Variants in FBXW7 observed in about 807,000 individuals in gnomAD.
The protein encoded by FBXW7 is F-box/WD repeat-containing protein 7.
Under a neutral mutation model 86.3 loss-of-function variants are expected in FBXW7, and 11 were observed. The ratio of observed to expected loss-of-function variants is 0.13; its 90% CI spans 0.08 to 0.21. The LOEUF (loss-of-function observed/expected upper bound fraction) is 0.21, where lower values mean the gene tolerates loss of function less well. FBXW7 is among the 10% of genes least tolerant of loss of function. FBXW7 has a pLI of 1.00. For synonymous variants in FBXW7, 313 were observed against 297.9 expected (o/e 1.05, Z -0.52); for missense variants, 488 against 847.4 (o/e 0.58, Z 5.27).
Position 152,326,329 on chromosome 4 carries a change from T to C in FBXW7, c.1419-98A>G, listed in dbSNP as rs2126499677. 3.1e-6 allele frequency: 3 copies of C among 957,618 alleles called. No individual in the cohort carries two copies. The South Asian group carries it at 5.2e-5, about 16-fold the overall frequency. 59.3% of individuals were successfully genotyped at this position (957,618 alleles called of 1,614,324 possible). A position where few individuals can be genotyped will look rare whatever the true frequency, so the allele number is the denominator to read the frequency against. On this transcript the variant is annotated intron_variant, in intron 11 of 13. Transcript: ENST00000281708. ...AACATGGTAGATTTAGTCAAGGTTT[T>C]TTAGCTTTTTTTTTTTTTTTTTTAC...
At chr4:152,446,207 T>G (rs1741375332) in intron 2 of FBXW7, among the ~76,000 whole-genome samples, 1 of 152,224 alleles carries the variant, frequency 6.6e-6, no homozygotes, top group Admixed American at 6.5e-5. Context: ...CCCAGGTCTA[T>G]TCTATTAACC....
intron 2 of FBXW7, among the ~76,000 whole-genome samples, chr4:152,450,407 A>T (rs1381590063): frequency 1.3e-5 from 2 of 152,220 alleles, no homozygotes; most frequent in Admixed American, 6.5e-5. Context: ...CACATTATGT[A>T]GAATCTGAAG....
intron 5 of FBXW7, chr4:152,348,767 C>T: frequency 1.1e-6 from 1 of 937,488 alleles, no homozygotes; most frequent in Non-Finnish European, 1.4e-6. Context: ...ATTTCTCATC[C>T]AAGAAATACT....
rs1728605146 is a variant in FBXW7 at position 152,322,203 on chromosome 4, C to A, written c.*678G>T. The A allele has an allele frequency of 4.3e-6, 1 of 232,624 alleles. No individual in the cohort carries two copies. Among genetic ancestry groups the A allele is most frequent in the Admixed American group, 5.7e-5 (1 of 17,608 alleles). 14.4% of individuals were successfully genotyped at this position (232,624 alleles called of 1,614,324 possible). A position where few individuals can be genotyped will look rare whatever the true frequency, so the allele number is the denominator to read the frequency against. On this transcript the variant is annotated 3_prime_UTR_variant, in exon 14 of 14. Transcript: ENST00000281708. ...AGAATTAAATCCATCTCAGGACTCA[C>A]AGAACCCAGGACAACTTGCCACCTT... is the stretch of plus-strand genomic sequence containing the variant.
intron 7 of FBXW7, among the ~76,000 whole-genome samples, chr4:152,337,148 T>C (rs934667172): frequency 6.6e-6 from 1 of 151,924 alleles, no homozygotes; most frequent in Non-Finnish European, 1.5e-5. Context: ...CAGTCTATGA[T>C]AGTTTCAGCT....
At chr4:152,407,443 T>C (rs1737515164) in intron 4 of FBXW7, among the ~76,000 whole-genome samples, 3 of 152,190 alleles carry the variant, frequency 2.0e-5, no homozygotes. Context: ...TTGCTTGTCT[T>C]GCAGGTAGAC....
chr4:152,352,359 C>G (rs1468994915), intron 4 of FBXW7: 5 of 1,342,996 alleles, frequency 3.7e-6, no homozygotes, highest in Non-Finnish European at 5.2e-6. Context: ...GACATCCAGC[C>G]ACCCACCAAA....
chr4:152,435,841 T>C (rs575657048), intron 2 of FBXW7, among the ~76,000 whole-genome samples: 4 of 152,360 alleles, frequency 2.6e-5, no homozygotes, highest in African/African-American at 4.8e-5. Flanking sequence ...TATCACATTT[T>C]GGTAATTCTT....
At chr4:152,523,855 G>A (rs1173337140) in intron 2 of FBXW7, among the ~76,000 whole-genome samples, 1 of 152,154 alleles carries the variant, frequency 6.6e-6, no homozygotes, top group Non-Finnish European at 1.5e-5. Context: ...CAGAAAGTAA[G>A]TTTCAAGAGA....
chr4:152,391,026 G>A (rs972835088), intron 4 of FBXW7, among the ~76,000 whole-genome samples: 53 of 151,768 alleles, frequency 3.5e-4, no homozygotes, highest in Non-Finnish European at 1.2e-4. Context: ...ATAGGAGGGG[G>A]ACATTATTTC....
chr4:152,439,692 G>A (rs573401697), intron 2 of FBXW7, among the ~76,000 whole-genome samples: 1 of 151,812 alleles, frequency 6.6e-6, no homozygotes, highest in Non-Finnish European at 1.5e-5. Context: ...GTGAAACCCC[G>A]TCTCTACTAA....
intron 2 of FBXW7, among the ~76,000 whole-genome samples, chr4:152,502,909 C>A (rs1473579033): frequency 1.3e-5 from 2 of 152,118 alleles, no homozygotes; most frequent in Non-Finnish European, 2.9e-5. Flanking sequence ...AGAAAAGCAA[C>A]AAAATTAGCC....
chr4:152,389,187 A>G (rs1232750777), intron 4 of FBXW7, among the ~76,000 whole-genome samples: 1 of 152,120 alleles, frequency 6.6e-6, no homozygotes, highest in East Asian at 1.9e-4. Flanking sequence ...TGTTGGTGGG[A>G]ATGCAAATTA....
chr4:152,434,312 C>G (rs1740182804), intron 2 of FBXW7, among the ~76,000 whole-genome samples: 1 of 152,162 alleles, frequency 6.6e-6, no homozygotes, highest in South Asian at 2.1e-4. Flanking sequence ...ATAATGCAAA[C>G]TTGCTATGTG....
chr4:152,464,762 A>C (rs937371005), intron 2 of FBXW7, among the ~76,000 whole-genome samples: 2 of 152,254 alleles, frequency 1.3e-5, no homozygotes, highest in African/African-American at 4.8e-5. Context: ...CAAAATAATA[A>C]AGTCAAGACG....
In FBXW7 at chr4:152,347,053, T is replaced by C. The variant is rs1229866227; in HGVS notation, c.603A>G (p.Pro201=). 18 of 1,603,832 alleles carry C rather than the reference T, an allele frequency of 1.1e-5. No homozygotes were observed. The highest frequency in any genetic ancestry group is 1.7e-5 in the Admixed American group (1 of 58,542). The change falls in exon 6 of 14, where the codon CCA becomes CCG. Residue 201 remains proline (P), a synonymous_variant. Coordinates refer to ENST00000281708, the MANE Select transcript of FBXW7 (RefSeq NM_001349798.2). ...CAAAAGTTGTTGGTGTTGCTGAACA[T>C]GGTACAAGCCCAGTGGTACTACAAA... ...SEYTSTTGLV[P]CSATPTTFGD... is the part of the protein sequence containing the mutation.
At chr4:152,468,064 T>C (rs189948051) in intron 2 of FBXW7, among the ~76,000 whole-genome samples, 1 of 152,138 alleles carries the variant, frequency 6.6e-6, no homozygotes, top group African/African-American at 2.4e-5. Context: ...ATGCTTATCA[T>C]TAGTCATTAT....
intron 4 of FBXW7, among the ~76,000 whole-genome samples, chr4:152,373,456 T>C (rs529678286): frequency 3.9e-5 from 6 of 152,174 alleles, no homozygotes; most frequent in East Asian, 1.9e-4. Context: ...TTCACTGTTA[T>C]ATCTACAGTT....
intron 2 of FBXW7, among the ~76,000 whole-genome samples, chr4:152,416,406 A>T (rs1738433878): frequency 1.3e-5 from 2 of 152,214 alleles, no homozygotes; most frequent in Non-Finnish European, 2.9e-5. Flanking sequence ...ACTAAGTCAT[A>T]ATAAATCATT....
Sources: gnomAD v4.1 joint callset for allele counts (sites outside exome capture counted in the v4.1 genomes callset) on GRCh38, gnomAD v4.1.1 for gene constraint, MANE v1.5 for transcripts, NCBI Gene and HGNC (gene_info 2026-07-23, HGNC 2026-07-21) for gene names.